PRKCA: variants seen among roughly 807,000 people sequenced by gnomAD.
The protein encoded by PRKCA is protein kinase C alpha.
Under a neutral mutation model 87.0 loss-of-function variants are expected in PRKCA, and 27 were observed. The observed-to-expected ratio is 0.31, with a 90% CI of 0.23 to 0.43. The LOEUF (loss-of-function observed/expected upper bound fraction) is 0.43, where lower values mean the gene tolerates loss of function less well. Ranked by LOEUF, PRKCA falls within the 20% of genes least tolerant of loss-of-function variation. The pLI is 1.00. For synonymous variants in PRKCA, 329 were observed against 311.1 expected (o/e 1.06, Z -0.61); for missense variants, 518 against 852.3 (o/e 0.61, Z 4.88).
chr17:66,577,526 C>T (rs76840746), intron 3 of PRKCA, among the ~76,000 whole-genome samples: 2 of 152,226 alleles, frequency 1.3e-5, no homozygotes, highest in African/African-American at 4.8e-5. Context: ...CACTTTTAGT[C>T]TCTTTTTCTG....
chr17:66,483,212 G>A (rs1025256323), intron 2 of PRKCA, among the ~76,000 whole-genome samples: 1 of 152,126 alleles, frequency 6.6e-6, no homozygotes. Context: ...CACAAACCGG[G>A]CAGCTTAAAC....
chr17:66,712,747 C>A (rs1451848105), intron 8 of PRKCA, among the ~76,000 whole-genome samples: 1 of 152,184 alleles, frequency 6.6e-6, no homozygotes. Flanking sequence ...TCCAATATTT[C>A]ATAGCTGTAT....
intron 2 of PRKCA, among the ~76,000 whole-genome samples, chr17:66,407,617 C>T (rs1911492758): frequency 6.6e-6 from 1 of 151,784 alleles, no homozygotes; most frequent in Non-Finnish European, 1.5e-5. Context: ...AAATATATCC[C>T]AGGAATTGTG....
intron 3 of PRKCA, among the ~76,000 whole-genome samples, chr17:66,499,354 C>T (rs1039656916): frequency 1.3e-5 from 2 of 152,048 alleles, no homozygotes; most frequent in African/African-American, 4.8e-5. Flanking sequence ...TGAATGATTT[C>T]CTAAGGGGCT....
chr17:66,659,191 G>A (rs8068129), intron 5 of PRKCA, among the ~76,000 whole-genome samples: 3 of 151,926 alleles, frequency 2.0e-5, no homozygotes, highest in Non-Finnish European at 2.9e-5. Flanking sequence ...GTGCCCCTTC[G>A]TGAGGAACTG....
Position 66,788,962 on chromosome 17 carries a change from C to A in PRKCA, c.1837C>A (p.Pro613Thr), listed in dbSNP as rs1192456628. Reference sequence around the variant, plus strand: ...ACTGGAGAACAGGGAGATCCAGCCACCATTCAAGCCCAAAGTGGTGAGTCC... The same window carrying A: ...ACTGGAGAACAGGGAGATCCAGCCAACATTCAAGCCCAAAGTGGTGAGTCC... The part of the protein sequence containing the change: ...EKLENREIQP[P>T]FKPKVCGKGA... Residue 613 changes from proline to threonine, a missense_variant, in exon 16 of 17, where the codon CCA becomes ACA. Physicochemically the swap from Pro to Thr is conservative, Grantham distance 38. This residue lies in a region of PRKCA where 159 missense variants were observed against 232.4 expected (regional missense o/e 0.68). Coordinates refer to ENST00000413366, the MANE Select transcript of PRKCA (RefSeq NM_002737.3). The A allele has an allele frequency of 6.2e-7, 1 of 1,614,152 alleles. No individual in the cohort carries two copies.
chr17:66,399,100 C>CT (rs143646957), intron 2 of PRKCA, among the ~76,000 whole-genome samples: 258 of 117,266 alleles, frequency 2.2e-3, no homozygotes, highest in African/African-American at 7.1e-3. Flanking sequence ...CTTTTCTTTT[C>CT]TTTTTTTTTT....
chr17:66,653,537 T>A (rs1462707829), intron 5 of PRKCA, among the ~76,000 whole-genome samples: 1 of 152,126 alleles, frequency 6.6e-6, no homozygotes, highest in Non-Finnish European at 1.5e-5. Flanking sequence ...GTAACAGGGA[T>A]CTATGATGGC....
At chr17:66,541,234 C>T (rs1967975646) in intron 3 of PRKCA, among the ~76,000 whole-genome samples, 1 of 152,104 alleles carries the variant, frequency 6.6e-6, no homozygotes, top group African/African-American at 2.4e-5. Context: ...GCCGCTTCTC[C>T]ACTGCACAGA....
chr17:66,418,993 C>T lies in PRKCA; in HGVS notation c.206-77208C>T, dbSNP rs141664763. ...GCCAGTATGGTCTTGATCTCCTGACCTCGTGATCGCCCACCTCAGCCTCCC... is the reference window on the plus strand; with the variant it reads ...GCCAGTATGGTCTTGATCTCCTGACTTCGTGATCGCCCACCTCAGCCTCCC... On this transcript the variant is annotated intron_variant, in intron 2 of 16. Coordinates refer to ENST00000413366, the MANE Select transcript of PRKCA (RefSeq NM_002737.3). Among the ~76,000 whole-genome samples the T allele has an allele frequency of 5.9e-4, 90 of 151,806 alleles. No individual in the cohort carries two copies. In the East Asian group the frequency reaches 0.016, roughly 27 times the overall value.
rs548023558 is a variant in PRKCA at position 66,666,453 on chromosome 17, T to A, written c.530-20658T>A. 2.0e-5 allele frequency among the ~76,000 whole-genome samples: 3 copies of A among 152,300 alleles called. No homozygotes were observed. The South Asian group carries it at 6.2e-4, about 32-fold the overall frequency. On this transcript the variant is annotated intron_variant, in intron 5 of 16. Transcript: ENST00000413366. ...CTTTCTCGCTGCTCATTTGAACATA[T>A]TCATACTGGACACAAGCTGGTCCTA... is the stretch of plus-strand genomic sequence containing the variant.
chr17:66,387,206 C>T (rs766264426), intron 2 of PRKCA, among the ~76,000 whole-genome samples: 3 of 152,180 alleles, frequency 2.0e-5, no homozygotes, highest in Non-Finnish European at 2.9e-5. Flanking sequence ...TAGAGGGCAA[C>T]TGCAACGAGT....
At chr17:66,781,889 T>TATATATATATATA (rs1568030784) in intron 14 of PRKCA, among the ~76,000 whole-genome samples, 17 of 97,734 alleles carry the variant, frequency 1.7e-4, no homozygotes, top group African/African-American at 8.3e-4. Flanking sequence ...ATATATATAG[T>TATATATATATATA]GTGTGTGTGT....
intron 14 of PRKCA, chr17:66,777,354 G>T: frequency 4.1e-6 from 4 of 985,296 alleles, no homozygotes; most frequent in Non-Finnish European, 4.8e-6. Context: ...GCCTGCATTT[G>T]ATCATTATTT....
At chr17:66,629,057 T>A (rs1376591679) in intron 3 of PRKCA, among the ~76,000 whole-genome samples, 2 of 152,106 alleles carry the variant, frequency 1.3e-5, no homozygotes, top group Non-Finnish European at 2.9e-5. Flanking sequence ...ATAAAATTTA[T>A]CTTAACGTGG....
At chr17:66,468,512 G>C (rs1915184898) in intron 2 of PRKCA, among the ~76,000 whole-genome samples, 2 of 152,156 alleles carry the variant, frequency 1.3e-5, no homozygotes, top group Admixed American at 1.3e-4. Flanking sequence ...ATAACTGACA[G>C]ATCCTATCTG....
chr17:66,325,403 G>A (rs35105653), intron 2 of PRKCA, among the ~76,000 whole-genome samples: 48,966 of 152,046 alleles, frequency 0.32, 8,859 homozygotes, highest in Middle Eastern at 0.53. Flanking sequence ...TGCTTTCATG[G>A]TCTTTTACAG....
intron 3 of PRKCA, 134 bp from the exon 4 acceptor site, chr17:66,641,221 C>A: frequency 1.8e-6 from 1 of 564,264 alleles, no homozygotes; most frequent in East Asian, 2.7e-5. Context: ...TGTGTGACTC[C>A]AGAGAATGAT....
chr17:66,391,869 A>AAGC (rs1910376146), intron 2 of PRKCA, among the ~76,000 whole-genome samples: 1 of 152,074 alleles, frequency 6.6e-6, no homozygotes, highest in Non-Finnish European at 1.5e-5. Flanking sequence ...CTCTTGCGCT[A>AAGC]GATCATCGGA....
Sources: gnomAD v4.1 joint callset for allele counts (sites outside exome capture counted in the v4.1 genomes callset) on GRCh38, gnomAD v4.1.1 for gene constraint, gnomAD v4.1.1 regional missense constraint, MANE v1.5 for transcripts, NCBI Gene and HGNC (gene_info 2026-07-23, HGNC 2026-07-21) for gene names.